The following STX6 variants were observed in gnomAD, a reference collection of about 807,000 sequenced individuals.
The protein encoded by STX6 is syntaxin 6.
Under a neutral mutation model 38.0 loss-of-function variants are expected in STX6, and 23 were observed. That is an observed-to-expected ratio of 0.60 (90% CI 0.43 to 0.86). The LOEUF (loss-of-function observed/expected upper bound fraction) is 0.86. STX6 is among the 40% of genes least tolerant of loss of function. The pLI is 0.00. For synonymous variants in STX6, 123 were observed against 107.5 expected (o/e 1.14, Z -0.89); for missense variants, 274 against 312.9 (o/e 0.88, Z 0.94).
chr1:180,997,982 A>C (rs1001102442), intron 3 of STX6, among the ~76,000 whole-genome samples: 16 of 152,260 alleles, frequency 1.1e-4, no homozygotes, highest in African/African-American at 2.4e-5. Flanking sequence ...TACCAAGTAC[A>C]GATTATTTTT....
intron 1 of STX6, 32 bp from the exon 2 acceptor site, chr1:181,005,495 C>T (rs1382222394): frequency 6.3e-7 from 1 of 1,595,258 alleles, no homozygotes; most frequent in Admixed American, 1.7e-5. Flanking sequence ...GGAGAGAAAT[C>T]ACAGACAACA....
intron 7 of STX6, among the ~76,000 whole-genome samples, chr1:180,982,598 G>A (rs1332353887): frequency 6.6e-6 from 1 of 152,152 alleles, no homozygotes; most frequent in Non-Finnish European, 1.5e-5. Flanking sequence ...CCAGAATGCT[G>A]GGAAACAAAG....
At chr1:180,976,832 G>A (rs575921170) in intron 7 of STX6, among the ~76,000 whole-genome samples, 186 bp from the exon 8 acceptor site, 9 of 152,300 alleles carry the variant, frequency 5.9e-5, no homozygotes, top group South Asian at 2.1e-4. Context: ...CCTGCACTTC[G>A]CATGCAGTCA....
chr1:181,008,727 GTTTT>G (rs55654509), intron 1 of STX6, among the ~76,000 whole-genome samples: 30 of 108,728 alleles, frequency 2.8e-4, no homozygotes, highest in South Asian at 1.3e-3. Flanking sequence ...TTCCAAAATT[GTTTT>G]TTTTTTTTTT....
intron 1 of STX6, among the ~76,000 whole-genome samples, chr1:181,020,563 A>G (rs923916393): frequency 6.6e-6 from 1 of 152,238 alleles, no homozygotes; most frequent in Non-Finnish European, 1.5e-5. Flanking sequence ...AGGAAGAACA[A>G]TTAAAAAGAC....
At chr1:180,996,392 A>C (rs77285298) in intron 3 of STX6, among the ~76,000 whole-genome samples, 273 of 152,298 alleles carry the variant, frequency 1.8e-3, no homozygotes, top group Non-Finnish European at 2.2e-3. Flanking sequence ...AAAACCCCAC[A>C]AATGATCAAA....
chr1:181,010,855 G>A (rs1656371701), intron 1 of STX6, among the ~76,000 whole-genome samples: 1 of 152,134 alleles, frequency 6.6e-6, no homozygotes, highest in Non-Finnish European at 1.5e-5. Flanking sequence ...TCTGTGAAAG[G>A]ATCTTGGGGA....
chr1:180,979,948 TGTAATCTCA>T (rs1400174130), intron 7 of STX6, among the ~76,000 whole-genome samples: 2 of 152,192 alleles, frequency 1.3e-5, no homozygotes, highest in African/African-American at 4.8e-5. Flanking sequence ...GGCTCACACC[TGTAATCTCA>T]GCACTTTGAG....
At chr1:180,996,256 T>A (rs151072679) in intron 3 of STX6, among the ~76,000 whole-genome samples, 1 of 151,850 alleles carries the variant, frequency 6.6e-6, no homozygotes, top group Non-Finnish European at 1.5e-5. Context: ...AGAAAAAAAG[T>A]AGAAATAAGC....
intron 7 of STX6, chr1:180,980,508 A>G (rs1488652915): frequency 6.7e-6 from 1 of 149,242 alleles, no homozygotes; most frequent in Non-Finnish European, 1.5e-5. Flanking sequence ...ACTTATCCAA[A>G]TGAACTTAAA....
chr1:181,021,697 C>T (rs116096211), intron 1 of STX6, among the ~76,000 whole-genome samples: 2,175 of 152,280 alleles, frequency 0.014, 51 homozygotes, highest in African/African-American at 0.049. Context: ...GATCTTCTTG[C>T]ATGTGTTTAA....
chr1:181,020,641 T>C (rs146112517), intron 1 of STX6, among the ~76,000 whole-genome samples: 95 of 152,286 alleles, frequency 6.2e-4, no homozygotes, highest in African/African-American at 2.1e-3. Flanking sequence ...CAAAACCTAA[T>C]TCAAGATACA....
chr1:180,989,967 T>C lies in STX6; in HGVS notation c.489+17A>G. The C allele has an allele frequency of 6.2e-7, 1 of 1,613,062 alleles. No homozygotes were observed. On this transcript the variant is annotated intron_variant, in intron 5 of 7. Coordinates refer to ENST00000258301, the MANE Select transcript of STX6 (RefSeq NM_005819.6). ...GTTTCCCACTGGCCCGTCCTAAGTC[T>C]GGGGTCCTTGGGGTACCTGCTGCTG...
At chr1:180,984,461 G>A (rs1325662200) in intron 7 of STX6, among the ~76,000 whole-genome samples, 2 of 152,002 alleles carry the variant, frequency 1.3e-5, no homozygotes, top group African/African-American at 2.4e-5. Context: ...CATGAGAATC[G>A]CTTGAACCCA....
chr1:180,988,221 G>T lies in STX6; in HGVS notation c.596+18C>A. The T allele has an allele frequency of 6.3e-7, 1 of 1,587,506 alleles. No homozygotes were observed. The highest frequency in any genetic ancestry group is 1.1e-5 in the South Asian group (1 of 90,488). On this transcript the variant is annotated intron_variant, in intron 6 of 7. Transcript: ENST00000258301. ...CCCCTCAATTTCACTGAAGCGAGAG[G>T]GGTGTCTCAATACTCACACTGCCTG... is the stretch of plus-strand genomic sequence containing the variant.
chr1:181,016,802 T>A (rs772941712), intron 1 of STX6, among the ~76,000 whole-genome samples: 1 of 152,220 alleles, frequency 6.6e-6, no homozygotes, highest in East Asian at 1.9e-4. Context: ...AAAACTGTTA[T>A]CATGCTGGGT....
At chr1:181,020,179 C>T (rs1161480807) in intron 1 of STX6, among the ~76,000 whole-genome samples, 3 of 151,652 alleles carry the variant, frequency 2.0e-5, no homozygotes, top group Non-Finnish European at 2.9e-5. Flanking sequence ...TGCACCACTG[C>T]ACTCCAGTCT....
At chr1:181,009,372 G>A (rs1392384453) in intron 1 of STX6, among the ~76,000 whole-genome samples, 1 of 151,734 alleles carries the variant, frequency 6.6e-6, no homozygotes, top group Admixed American at 6.6e-5. Flanking sequence ...AGGAGGCTGA[G>A]GCAGCAGAAT....
At chr1:180,979,404 C>G (rs1268584788) in intron 7 of STX6, among the ~76,000 whole-genome samples, 1 of 152,190 alleles carries the variant, frequency 6.6e-6, no homozygotes, top group Non-Finnish European at 1.5e-5. Flanking sequence ...ATACAGTCAA[C>G]TGATCTTTCA....
Sources: gnomAD v4.1 joint callset for allele counts (sites outside exome capture counted in the v4.1 genomes callset) on GRCh38, gnomAD v4.1.1 for gene constraint, MANE v1.5 for transcripts, NCBI Gene and HGNC (gene_info 2026-07-23, HGNC 2026-07-21) for gene names.